The following FAHD1 variants were observed in gnomAD, a reference collection of about 807,000 sequenced individuals.
FAHD1 encodes the protein FAH domain containing oxaloacetate decarboxylase 1.
Under a neutral mutation model 12.7 loss-of-function variants are expected in FAHD1, and 14 were observed. The ratio of observed to expected loss-of-function variants is 1.10; its 90% CI spans 0.73 to 1.72. The LOEUF is 1.72. FAHD1 is among the 40% of genes most tolerant of loss of function. The pLI is 0.00. For synonymous variants in FAHD1, 153 were observed against 124.9 expected (o/e 1.22, Z -1.50); for missense variants, 351 against 298.9 (o/e 1.17, Z -1.29).
chr16:1,827,830 G>A, exon 1 of FAHD1: 1 of 1,614,106 alleles, frequency 6.2e-7, no homozygotes. Flanking sequence ...ACCGGTTAAA[G>A]AAAACGATGA....
intron 1 of FAHD1, among the ~76,000 whole-genome samples, chr16:1,836,590 G>A (rs982864706): frequency 7.9e-5 from 12 of 151,910 alleles, no homozygotes; most frequent in Non-Finnish European, 1.8e-4. Context: ...GCCTCAAGCC[G>A]AGGTCCTAGA....
At chr16:1,837,622 C>T in intron 1 of FAHD1, 1 of 477,266 alleles carries the variant, frequency 2.1e-6, no homozygotes. Flanking sequence ...GAAAAAACCC[C>T]TGGCTATTTC....
intron 1 of FAHD1, among the ~76,000 whole-genome samples, chr16:1,835,599 C>G (rs1474239433): frequency 2.0e-5 from 3 of 152,144 alleles, no homozygotes; most frequent in African/African-American, 7.2e-5. Context: ...TTGTGGTAGT[C>G]TGACATTGGC....
At chr16:1,832,879 T>G (rs1417494415), downstream of FAHD1, among the ~76,000 whole-genome samples, 1 of 152,198 alleles carries the variant, frequency 6.6e-6, no homozygotes, top group African/African-American at 2.4e-5. Context: ...AGTCGTTCAT[T>G]ACCTTATCAC....
downstream of FAHD1, among the ~76,000 whole-genome samples, chr16:1,830,364 CA>C (rs1898598177): frequency 6.6e-6 from 1 of 152,166 alleles, no homozygotes; most frequent in Non-Finnish European, 1.5e-5. Context: ...GCTAGGTTCC[CA>C]TAAGTGGAAG....
chr16:1,840,204 A>G (rs1470410435), exon 3 of FAHD1: 1 of 152,202 alleles, frequency 6.6e-6, no homozygotes, highest in Non-Finnish European at 1.5e-5. Flanking sequence ...GTACAGGAAA[A>G]AAATTAGTTT....
downstream of FAHD1, among the ~76,000 whole-genome samples, chr16:1,833,554 CTT>C (rs769668788): frequency 0.016 from 1,833 of 114,254 alleles, 25 homozygotes; most frequent in Non-Finnish European, 0.023. Flanking sequence ...TTTAGAGGTA[CTT>C]TTTTTTTTTT....
exon 1 of FAHD1, chr16:1,827,337 C>T: frequency 6.2e-7 from 1 of 1,613,150 alleles, no homozygotes; most frequent in Non-Finnish European, 8.5e-7. Flanking sequence ...AGATGCGCAG[C>T]GCGGTGTTGA....
At chr16:1,827,760 T>C (rs940814012) in exon 1 of FAHD1, 1 of 1,614,142 alleles carries the variant, frequency 6.2e-7, no homozygotes, top group Non-Finnish European at 8.5e-7. Flanking sequence ...GCTATGTTTC[T>C]AAGATCATAA....
At chr16:1,827,899 T>C (rs745835853) in exon 1 of FAHD1, 3 of 1,611,712 alleles carry the variant, frequency 1.9e-6, no homozygotes. Context: ...AAAGCCAGAA[T>C]ATTGAGTTAT....
In FAHD1 at chr16:1,837,643, AGG is replaced by A. The variant is rs1898785365; in HGVS notation, c.628-372_628-371del. On this transcript the variant is annotated intron_variant, in intron 1 of 2. Transcript: ENST00000382666. Reference sequence around the variant, plus strand: ...ACCCCTGGCTATTTCCTTTGCTTTTAGGATAGCTGAATCCTTATGCACATCTG... The same window carrying A: ...ACCCCTGGCTATTTCCTTTGCTTTTAATAGCTGAATCCTTATGCACATCTG... 2.3e-5 allele frequency: 11 copies of A among 487,774 alleles called. No individual in the cohort carries two copies. In the South Asian group the frequency reaches 5.3e-4, roughly 24 times the overall value. 30.2% of individuals were successfully genotyped at this position (487,774 alleles called of 1,614,324 possible).
rs1435082721 is a variant in FAHD1, at chr16:1,834,352, G to A, written c.628-3664G>A. On this transcript the variant is annotated intron_variant, in intron 1 of 2. Transcript: ENST00000382666. ...TAATTTTCAATCCACTCCTTGCTCT[G>A]TGTGATAGAACGAACTGCGAGGAGA... is the stretch of plus-strand genomic sequence containing the variant. 5 of 1,602,004 alleles carry A rather than the reference G, an allele frequency of 3.1e-6. No homozygotes were observed. In the African/African-American group the frequency reaches 6.7e-5, roughly 21 times the overall value.
At chr16:1,833,579 T>A (rs962314783), downstream of FAHD1, among the ~76,000 whole-genome samples, 2 of 133,388 alleles carry the variant, frequency 1.5e-5, no homozygotes, top group Admixed American at 7.7e-5. Context: ...TTTTTTTTTT[T>A]AAGACAGAGT....
exon 3 of FAHD1, chr16:1,839,280 A>C: frequency 6.2e-7 from 1 of 1,612,260 alleles, no homozygotes; most frequent in Non-Finnish European, 8.5e-7. Context: ...CTCCTCAGCA[A>C]CACTTCCTGT....
downstream of FAHD1, among the ~76,000 whole-genome samples, chr16:1,829,958 G>A (rs1172141902): frequency 1.3e-5 from 2 of 151,736 alleles, no homozygotes; most frequent in African/African-American, 2.4e-5. Context: ...CTGCCTCCCA[G>A]GTTCAAGTGA....
chr16:1,827,844 C>A, exon 1 of FAHD1: 1 of 1,614,006 alleles, frequency 6.2e-7, no homozygotes, highest in Non-Finnish European at 8.5e-7. Context: ...ACGATGAGAT[C>A]GAGGCTGGCA....
chr16:1,833,470 A>G (rs79579996), downstream of FAHD1, among the ~76,000 whole-genome samples: 26,790 of 149,442 alleles, frequency 0.18, 2,517 homozygotes, highest in South Asian at 0.27. Context: ...CCCACCCAGC[A>G]CCAAGAGCCC....
chr16:1,837,679 G>A, intron 1 of FAHD1: 1 of 597,224 alleles, frequency 1.7e-6, no homozygotes, highest in Non-Finnish European at 2.9e-6. Context: ...TGGGAACTGG[G>A]CATTAGAAAT....
downstream of FAHD1, among the ~76,000 whole-genome samples, chr16:1,831,472 C>T (rs1043596572): frequency 7.2e-5 from 11 of 152,146 alleles, no homozygotes; most frequent in African/African-American, 2.7e-4. Flanking sequence ...CCAGAATCTG[C>T]TCTCCCCGCC....
Sources: allele counts gnomAD v4.1 joint callset (sites outside exome capture counted in the v4.1 genomes callset), GRCh38; gene constraint gnomAD v4.1.1; transcripts MANE v1.5; gene names NCBI Gene and HGNC (gene_info 2026-07-23, HGNC 2026-07-21).